The following POR variants were observed in gnomAD, a reference collection of about 807,000 sequenced individuals.
POR encodes cytochrome p450 oxidoreductase.
A neutral mutation model predicts 84.0 loss-of-function variants in POR; 56 were observed. The ratio of observed to expected loss-of-function variants is 0.67; its 90% CI spans 0.54 to 0.83. The LOEUF is 0.83. Among genes scored for constraint, POR ranks in the 40% least tolerant of loss-of-function variants. The probability of loss-of-function intolerance (pLI) is 0.00; values close to 1 mark genes in which losing one functional copy is unlikely to be tolerated. For synonymous variants in POR, 414 were observed against 400.5 expected (o/e 1.03, Z -0.40); for missense variants, 938 against 944.3 (o/e 0.99, Z 0.09).
intron 12 of POR, 61 bp from the exon 13 acceptor site, chr7:75,985,518 G>A (rs1585134724): frequency 6.9e-6 from 10 of 1,453,674 alleles, no homozygotes; most frequent in Non-Finnish European, 9.1e-6. Context: ...AACGGGACTT[G>A]GGGCCGGGGC....
chr7:75,979,989 G>A (rs970340438), intron 4 of POR, among the ~76,000 whole-genome samples: 8 of 152,304 alleles, frequency 5.3e-5, no homozygotes, highest in South Asian at 2.1e-4. Context: ...AGTGTGCACC[G>A]GGGCTGTGCG....
intron 3 of POR, 85 bp downstream of exon 3, chr7:75,972,546 A>G (rs1788490770): frequency 1.5e-6 from 2 of 1,312,130 alleles, no homozygotes; most frequent in Admixed American, 3.9e-5. Flanking sequence ...GGCTGGCGTC[A>G]CCGCATAGAG....
chr7:75,968,716 C>T (rs1436682120), intron 2 of POR, among the ~76,000 whole-genome samples: 2 of 152,188 alleles, frequency 1.3e-5, no homozygotes, highest in East Asian at 3.9e-4. Context: ...TTCCCTTTTC[C>T]CCCCTGGACC....
intron 6 of POR, 53 bp downstream of exon 6, chr7:75,981,225 G>T (rs782488198): frequency 1.8e-4 from 265 of 1,483,044 alleles, no homozygotes; most frequent in Non-Finnish European, 2.2e-4. Context: ...GGCAGGGGCC[G>T]TGGAACGTGA....
Position 75,983,635 on chromosome 7 carries a change from A to G in POR, c.946A>G (p.Arg316Gly), listed in dbSNP as rs538316500. 8 of 1,612,372 alleles carry G rather than the reference A, an allele frequency of 5.0e-6. No individual in the cohort carries two copies. Among genetic ancestry groups the G allele is most frequent in the Non-Finnish European group, 6.8e-6 (8 of 1,179,336 alleles). ...ATTGGACATCTCGGACTCCAAAATC[A>G]GGTACCAGCTGCCACTGTCACCCCC... Residue 316 changes from arginine to glycine, a missense_variant and splice_region_variant, in exon 9 of 16, where the codon AGG becomes GGG. Physicochemically the swap from Arg to Gly is moderately radical, Grantham distance 125 (BLOSUM62 -2). Coordinates refer to ENST00000461988, the MANE Select transcript of POR (RefSeq NM_000941.3).
At chr7:75,943,875 G>A (rs763512048) in intron 1 of POR, 12 of 509,072 alleles carry the variant, frequency 2.4e-5, no homozygotes, top group African/African-American at 1.2e-4. Context: ...AAAGGGCTGC[G>A]CGTCTCCTGT....
intron 2 of POR, 62 bp downstream of exon 2, chr7:75,954,242 C>A (rs1279493465): frequency 4.4e-5 from 65 of 1,483,408 alleles, no homozygotes; most frequent in Non-Finnish European, 5.5e-5. Context: ...CAAGCAGTGT[C>A]CTGCATGCGG....
chr7:75,954,306 G>A (rs1283242773), intron 2 of POR, 126 bp downstream of exon 2: 1 of 1,002,188 alleles, frequency 1.0e-6, no homozygotes, highest in Non-Finnish European at 1.5e-6. Context: ...TGACTCTTGG[G>A]TTTTGCCTTC....
At chr7:75,938,429 C>T (rs781806471) in intron 1 of POR, among the ~76,000 whole-genome samples, 2 of 152,208 alleles carry the variant, frequency 1.3e-5, no homozygotes, top group Non-Finnish European at 2.9e-5. Flanking sequence ...CATACAGGCC[C>T]CTAGGCCCTT....
intron 1 of POR, among the ~76,000 whole-genome samples, chr7:75,938,566 T>G (rs1360499886): frequency 1.3e-5 from 2 of 152,168 alleles, no homozygotes; most frequent in Non-Finnish European, 2.9e-5. Context: ...GAGACCAGCC[T>G]GGGCAACTTA....
intron 4 of POR, 136 bp from the exon 5 acceptor site, chr7:75,980,203 C>T: frequency 1.9e-6 from 2 of 1,074,786 alleles, no homozygotes; most frequent in Non-Finnish European, 2.6e-6. Context: ...TGTTACTTCT[C>T]TCTGATCCCA....
chr7:75,964,665 C>G (rs1210836908), intron 2 of POR, among the ~76,000 whole-genome samples: 43 of 152,174 alleles, frequency 2.8e-4, no homozygotes, highest in Admixed American at 2.6e-3. Flanking sequence ...ACATAATTGA[C>G]AAATAAAAAT....
At chr7:75,976,331 T>C (rs1327926689) in intron 3 of POR, among the ~76,000 whole-genome samples, 7 of 151,896 alleles carry the variant, frequency 4.6e-5, no homozygotes, top group Non-Finnish European at 8.8e-5. Context: ...TAGTCCCAGG[T>C]ACTCGGGAGG....
intron 1 of POR, among the ~76,000 whole-genome samples, chr7:75,926,887 A>G (rs1207091782): frequency 6.6e-6 from 1 of 152,198 alleles, no homozygotes; most frequent in East Asian, 1.9e-4. Flanking sequence ...CTCCACCCAG[A>G]CACGAGACCA....
rs139474155 is a variant in POR, at chr7:75,947,591, G to A, written c.-4-6398G>A. ...ATTACAGGCGTTAGCCACCACGGCC[G>A]GCCCCAATGTGTGTTTTAAATCTTT... is the stretch of plus-strand genomic sequence containing the variant. On this transcript the variant is annotated intron_variant, in intron 1 of 15. Transcript: ENST00000461988. Among the ~76,000 whole-genome samples, 433 of 152,206 alleles carry A rather than the reference G, an allele frequency of 2.8e-3. 3 individuals carry two copies. Among genetic ancestry groups the A allele is most frequent in the Middle Eastern group, 6.8e-3 (2 of 294 alleles).
At position 75,951,075 on chromosome 7, in the gene POR, C is replaced by A. The variant is rs1234642031; in HGVS notation, c.-4-2914C>A. Among the ~76,000 whole-genome samples the A allele has an allele frequency of 7.4e-5, 6 of 81,248 alleles. 1 individual carries two copies. Among genetic ancestry groups the A allele is most frequent in the Non-Finnish European group, 1.7e-4 (6 of 35,476 alleles). 53.3% of individuals were successfully genotyped at this position (81,248 alleles called of 152,430 possible). On this transcript the variant is annotated intron_variant, in intron 1 of 15. Transcript: ENST00000461988. ...CTCTGTCCCCCGGCCCCCCCCCCCC[C>A]CGAAAAAAAAAAAGTCATATCAAAA...
At chr7:75,916,330 C>T (rs1806566318) in intron 1 of POR, among the ~76,000 whole-genome samples, 1 of 152,172 alleles carries the variant, frequency 6.6e-6, no homozygotes, top group Non-Finnish European at 1.5e-5. Context: ...TTCCTTGGGT[C>T]TTGCTTTATG....
intron 1 of POR, among the ~76,000 whole-genome samples, chr7:75,936,879 T>G (rs1239431385): frequency 1.4e-5 from 2 of 146,016 alleles, no homozygotes; most frequent in East Asian, 4.1e-4. Flanking sequence ...CAGGCTGGAG[T>G]GCAGTGGCGC....
chr7:75,949,225 G>C (rs943889093), intron 1 of POR, among the ~76,000 whole-genome samples: 1 of 152,030 alleles, frequency 6.6e-6, no homozygotes, highest in African/African-American at 2.4e-5. Flanking sequence ...CGTGATCTCA[G>C]CTCACTACAA....
Sources: gnomAD v4.1 joint callset for allele counts (sites outside exome capture counted in the v4.1 genomes callset) on GRCh38, gnomAD v4.1.1 for gene constraint, MANE v1.5 for transcripts, NCBI Gene and HGNC (gene_info 2026-07-23, HGNC 2026-07-21) for gene names.